The following CLCNKA variants were observed in gnomAD, a reference collection of about 807,000 sequenced individuals.
CLCNKA encodes chloride voltage-gated channel Ka, also known as chloride channel protein ClC-Ka.
CLCNKA carries 66 observed loss-of-function variants against 83.3 expected under a neutral mutation model. The ratio of observed to expected loss-of-function variants is 0.79; its 90% confidence interval spans 0.65 to 0.97. The LOEUF (loss-of-function observed/expected upper bound fraction) is 0.97. Ranked by LOEUF, CLCNKA falls within the 50% of genes least tolerant of loss-of-function variation. The probability of loss-of-function intolerance (pLI) is 0.00; values close to 1 mark genes in which losing one functional copy is unlikely to be tolerated. For missense variants in CLCNKA, 806 were observed against 888.7 expected, an observed-to-expected ratio of 0.91 and a Z score of 1.18; for synonymous variants, 357 against 370.4, an observed-to-expected ratio of 0.96 and a Z score of 0.42.
chr1:16,022,759 T>A, intron 2 of CLCNKA, 40 bp downstream of exon 2: 1 of 1,371,664 alleles, frequency 7.3e-7, no homozygotes, highest in Non-Finnish European at 9.8e-7. Context: ...GGGGGACCAC[T>A]CAGGACATCA....
intron 18 of CLCNKA, 41 bp downstream of exon 18, chr1:16,032,567 G>A (rs1557457792): frequency 6.8e-7 from 1 of 1,479,986 alleles, no homozygotes. Flanking sequence ...AGCCCCCGGG[G>A]CAGGGCAAGA....
At chr1:16,026,899 C>T in intron 7 of CLCNKA, 124 bp downstream of exon 7, 1 of 1,366,046 alleles carries the variant, frequency 7.3e-7, no homozygotes, top group Non-Finnish European at 1.0e-6. Flanking sequence ...CTCACTTCAG[C>T]CCCGCTTTGG....
At chr1:16,027,188 C>G in intron 7 of CLCNKA, 122 bp from the exon 8 acceptor site, 1 of 1,432,992 alleles carries the variant, frequency 7.0e-7, no homozygotes, top group Non-Finnish European at 9.7e-7. Flanking sequence ...TTCTGTCTGT[C>G]CCTGTCCGGG....
At chr1:16,027,243 G>A in intron 7 of CLCNKA, 67 bp from the exon 8 acceptor site, 2 of 1,605,466 alleles carry the variant, frequency 1.2e-6, no homozygotes, top group African/African-American at 1.3e-5. Context: ...GGCGAGATGG[G>A]GGAGGGGGCC....
At chr1:16,026,289 C>G (rs776433608) in intron 5 of CLCNKA, 42 bp downstream of exon 5, 6 of 1,605,592 alleles carry the variant, frequency 3.7e-6, no homozygotes. Context: ...CCCGCCCACC[C>G]TACCCTGCCC....
At chr1:16,030,189 C>T (rs551111790) in intron 14 of CLCNKA, 114 bp downstream of exon 14, 1 of 798,068 alleles carries the variant, frequency 1.3e-6, no homozygotes, top group Non-Finnish European at 2.1e-6. Context: ...TCCAGTGAAC[C>T]CCCTACCCCT....
At chr1:16,022,778 T>G in intron 2 of CLCNKA, 59 bp downstream of exon 2, 1 of 1,236,454 alleles carries the variant, frequency 8.1e-7, no homozygotes, top group Non-Finnish European at 1.1e-6. Context: ...CATTCCTGCC[T>G]GGCTCCCACC....
chr1:16,026,934 G>A (rs1288650477), intron 7 of CLCNKA, 159 bp downstream of exon 7: 1 of 935,882 alleles, frequency 1.1e-6, no homozygotes, highest in Non-Finnish European at 1.6e-6. Context: ...CGGGGGCGGC[G>A]GGGCGGGGCG....
In CLCNKA at chr1:16,030,495, C is replaced by A. The variant is rs374314141; in HGVS notation, c.1443C>A (p.Thr481=). ...AAAFSGAVTH[T]ISTALLAFEL... is the part of the protein sequence containing the mutation. ...CCTTCTCAGGGGCTGTGACCCACACCATCTCCACGGCGCTGCTGGCCTTTG... is the reference window on the plus strand; with the variant it reads ...CCTTCTCAGGGGCTGTGACCCACACAATCTCCACGGCGCTGCTGGCCTTTG... Residue 481 remains threonine (T), a synonymous_variant, in exon 15 of 20, where the codon ACC becomes ACA. Transcript: ENST00000331433. 1.1e-5 allele frequency: 17 copies of A among 1,612,972 alleles called. No homozygotes were observed. The highest frequency in any genetic ancestry group is 4.5e-5 in the East Asian group (2 of 44,882).
In CLCNKA at chr1:16,024,750, C is replaced by T. The variant is rs755059878; in HGVS notation, c.230-13C>T. On this transcript the variant is annotated splice_polypyrimidine_tract_variant and intron_variant, in intron 3 of 19. Transcript: ENST00000331433. Reference sequence around the variant, plus strand: ...AGGCTGTGGGTGCCTCCCTGATACGCGGCTGTCCCCAGCACACCAGTGGCT... The same window carrying T: ...AGGCTGTGGGTGCCTCCCTGATACGTGGCTGTCCCCAGCACACCAGTGGCT... 5.0e-6 allele frequency: 8 copies of T among 1,613,692 alleles called. No homozygotes were observed. The highest frequency in any genetic ancestry group is 3.3e-5 in the South Asian group (3 of 91,076).
intron 19 of CLCNKA, 52 bp downstream of exon 19, chr1:16,033,308 C>T: frequency 8.2e-6 from 13 of 1,586,300 alleles, no homozygotes; most frequent in Non-Finnish European, 1.1e-5. Flanking sequence ...CCTGAGAAGG[C>T]TGGGGAGATG....
intron 15 of CLCNKA, 96 bp downstream of exon 15, chr1:16,030,770 C>T: frequency 2.0e-6 from 3 of 1,508,006 alleles, no homozygotes; most frequent in African/African-American, 1.4e-5. Flanking sequence ...ACCACCGCAG[C>T]TGACCTCCGA....
intron 12 of CLCNKA, 147 bp from the exon 13 acceptor site, chr1:16,029,584 C>G (rs2022527492): frequency 2.7e-6 from 3 of 1,120,464 alleles, no homozygotes; most frequent in Non-Finnish European, 4.0e-6. Flanking sequence ...GGTGAGGACC[C>G]TCCCCTAATG....
chr1:16,029,032 G>A, intron 11 of CLCNKA, 94 bp from the exon 12 acceptor site: 1 of 1,555,806 alleles, frequency 6.4e-7, no homozygotes, highest in South Asian at 1.1e-5. Context: ...AGTGGCAGGG[G>A]AGGATTCCAG....
At chr1:16,031,611 T>C (rs2022627509) in intron 15 of CLCNKA, 99 bp from the exon 16 acceptor site, 1 of 1,552,164 alleles carries the variant, frequency 6.4e-7, no homozygotes, top group South Asian at 1.1e-5. Flanking sequence ...TCCAGAGCCG[T>C]GGGTCCCTGG....
chr1:16,026,651 G>A (rs745697389), intron 6 of CLCNKA, 38 bp downstream of exon 6: 24 of 1,613,554 alleles, frequency 1.5e-5, no homozygotes, highest in Non-Finnish European at 1.9e-5. Context: ...AAATGGGAGT[G>A]GGGAGGGAGG....
intron 11 of CLCNKA, 72 bp downstream of exon 11, chr1:16,028,917 TAATACC>T: frequency 6.4e-7 from 1 of 1,566,286 alleles, no homozygotes; most frequent in Non-Finnish European, 8.8e-7. Flanking sequence ...GTGTCTCACG[TAATACC>T]CTCAGCACCC....
At position 16,028,827 on chromosome 1, in the gene CLCNKA, C is replaced by T. The variant is rs201329968; in HGVS notation, c.1035C>T (p.Gly345=). The T allele has an allele frequency of 1.9e-6, 3 of 1,614,104 alleles. No homozygotes were observed. Among genetic ancestry groups the T allele is most frequent in the Non-Finnish European group, 2.5e-6 (3 of 1,180,018 alleles). ...CCATCACCTACCCGCCTGGTGTGGGCCACTTCCTAGCTTCTCGGGTAAGGG... is the reference window on the plus strand; with the variant it reads ...CCATCACCTACCCGCCTGGTGTGGGTCACTTCCTAGCTTCTCGGGTAAGGG... ...LASITYPPGV[G]HFLASRLSMK... The change falls in exon 11 of 20, where the codon GGC becomes GGT. Residue 345 remains glycine, a synonymous_variant. Transcript: ENST00000331433.
At chr1:16,030,950 A>G (rs1179407429) in intron 15 of CLCNKA, among the ~76,000 whole-genome samples, 1 of 152,132 alleles carries the variant, frequency 6.6e-6, no homozygotes, top group Non-Finnish European at 1.5e-5. Flanking sequence ...GATTGAGGAA[A>G]CCAGAGCTCA....
Sources: allele counts gnomAD v4.1 joint callset (sites outside exome capture counted in the v4.1 genomes callset), GRCh38; gene constraint gnomAD v4.1.1; transcripts MANE v1.5; gene names NCBI Gene and HGNC (gene_info 2026-07-23, HGNC 2026-07-21).